The following RCVRN variants were observed in gnomAD, a reference collection of about 807,000 sequenced individuals.
RCVRN encodes cancer associated retinopathy antigen.
In RCVRN, 23 loss-of-function variants were observed where a neutral mutation model predicts 20.4. The observed-to-expected ratio is 1.13, with a 90% CI of 0.81 to 1.60. The LOEUF (loss-of-function observed/expected upper bound fraction) is 1.60. Ranked by LOEUF, RCVRN falls within the 40% of genes most tolerant of loss-of-function variation. The probability of loss-of-function intolerance (pLI) is 0.00; values close to 1 mark genes in which losing one functional copy is unlikely to be tolerated. For missense variants in RCVRN, 254 were observed against 254.2 expected (o/e 1.00, Z 0.00); for synonymous variants, 105 against 105.9 (o/e 0.99, Z 0.05).
At position 9,901,018 on chromosome 17, in the gene RCVRN, A is replaced by T; in HGVS notation, c.464T>A (p.Ile155Asn). The T allele has an allele frequency of 1.2e-6, 2 of 1,608,714 alleles. No individual in the cohort carries two copies. The highest frequency in any genetic ancestry group is 1.7e-6 in the Non-Finnish European group (2 of 1,175,732). ...ENTPEKRAEKIWKYFGKNDDD... is the reference protein window; with the variant it reads ...ENTPEKRAEKNWKYFGKNDDD... ...ATCATTCTTTCCAAAGTACTTCCAGATCTTCTCGGCTCGCTTTTCCGGCGT... is the reference window on the plus strand; with the variant it reads ...ATCATTCTTTCCAAAGTACTTCCAGTTCTTCTCGGCTCGCTTTTCCGGCGT... Residue 155 changes from isoleucine (I) to asparagine (N), a missense_variant, in exon 2 of 3, where the codon ATC (isoleucine) becomes AAC (asparagine). Ile to Asn is a moderately radical substitution (Grantham distance 149). Transcript: ENST00000226193.
At chr17:9,902,935 G>A (rs1474081677) in intron 1 of RCVRN, among the ~76,000 whole-genome samples, 1 of 152,136 alleles carries the variant, frequency 6.6e-6, no homozygotes, top group Non-Finnish European at 1.5e-5. Context: ...GTTGCAGTGA[G>A]CTGAGATCAC....
Position 9,905,115 on chromosome 17 carries a change from C to T in RCVRN, c.66G>A (p.Lys22=). ...EILEELQLNT[K]FSEEELCSWY... is the part of the protein sequence containing the mutation. Reference sequence around the variant, plus strand: ...AGGAGCACAGCTCCTCCTCCGAGAACTTGGTGTTCAGCTGCAGCTCCTCCA... The same window carrying T: ...AGGAGCACAGCTCCTCCTCCGAGAATTTGGTGTTCAGCTGCAGCTCCTCCA... Residue 22 remains lysine (K), a synonymous_variant, in exon 1 of 3, where the codon AAG becomes AAA. Coordinates refer to ENST00000226193, the MANE Select transcript of RCVRN (RefSeq NM_002903.3). The T allele has an allele frequency of 6.2e-7, 1 of 1,610,742 alleles. No individual in the cohort carries two copies. Among genetic ancestry groups the T allele is most frequent in the Non-Finnish European group, 8.5e-7 (1 of 1,178,630 alleles).
chr17:9,902,970 CAA>C (rs2067348084), intron 1 of RCVRN, among the ~76,000 whole-genome samples: 1 of 148,622 alleles, frequency 6.7e-6, no homozygotes, highest in African/African-American at 2.5e-5. Context: ...GCCTGGGCGA[CAA>C]GAGCAAAACT....
chr17:9,898,200 T>C lies in RCVRN; in HGVS notation c.498A>G (p.Lys166=). 6.2e-7 allele frequency: 1 copy of C among 1,603,624 alleles called. No homozygotes were observed. The highest frequency in any genetic ancestry group is 8.5e-7 in the Non-Finnish European group (1 of 1,170,474). ...WKYFGKNDDD[K]LTEKEFIEGT... The stretch of plus-strand genomic sequence containing the variant: ...CCTCAATGAATTCTTTCTCTGTAAG[T>C]TTATCTGTGCATTGGGAAAAAATAT... Residue 166 remains lysine (K), a synonymous_variant, in exon 3 of 3, where the codon AAA becomes AAG. Coordinates refer to ENST00000226193, the MANE Select transcript of RCVRN (RefSeq NM_002903.3).
In RCVRN at chr17:9,897,325, C is replaced by T. The variant is rs1467210960; in HGVS notation, c.*770G>A. 1 of 152,030 alleles carries T rather than the reference C, an allele frequency of 6.6e-6. No homozygotes were observed. The highest frequency in any genetic ancestry group is 1.5e-5 in the Non-Finnish European group (1 of 68,058). 9.4% of individuals were successfully genotyped at this position (152,030 alleles called of 1,614,324 possible). ...TGGAACTCGAGATGGTCATTCATGC[C>T]TCAGCGGCTCTGTGTTGGCCGCCTT... On this transcript the variant is annotated 3_prime_UTR_variant, in exon 3 of 3. Transcript: ENST00000226193.
chr17:9,898,445 T>C (rs1567746743), intron 2 of RCVRN, among the ~76,000 whole-genome samples: 2 of 152,122 alleles, frequency 1.3e-5, no homozygotes, highest in African/African-American at 4.8e-5. Flanking sequence ...TGACTGGCAC[T>C]GGGGGGGCCC....
chr17:9,901,453 T>C lies in RCVRN; in HGVS notation c.382-353A>G, dbSNP rs765571489. On this transcript the variant is annotated intron_variant, in intron 1 of 2. Transcript: ENST00000226193. Reference sequence around the variant, plus strand: ...AAACATTCGCAAACCATTTGCGTTCTGCCTCCCCGGAGACACCTGTGAGCA... The same window carrying C: ...AAACATTCGCAAACCATTTGCGTTCCGCCTCCCCGGAGACACCTGTGAGCA... Among the ~76,000 whole-genome samples, 45 of 152,096 alleles carry C rather than the reference T, an allele frequency of 3.0e-4. 9 individuals carry two copies. The highest frequency in any genetic ancestry group is 6.0e-4 in the Non-Finnish European group (41 of 67,956).
Position 9,904,705 on chromosome 17 carries a change from A to G in RCVRN, c.381+95T>C. 7.0e-7 allele frequency: 1 copy of G among 1,422,122 alleles called. No homozygotes were observed. Among genetic ancestry groups the G allele is most frequent in the Non-Finnish European group, 9.6e-7 (1 of 1,036,418 alleles). The allele number at this position is 1,422,122 out of a possible 1,614,324, so 88.1% of individuals were successfully genotyped here. On this transcript the variant is annotated intron_variant, in intron 1 of 2. Coordinates refer to ENST00000226193, the MANE Select transcript of RCVRN (RefSeq NM_002903.3). The surrounding 1 kb of genome is among the most constrained non-coding windows in gnomAD (Gnocchi z 5.8). ...GTGGCCCGCATCCCCCGCTCCACCC[A>G]CAGATCCACTCCCTCTGCAGCAGCT...
intron 2 of RCVRN, 148 bp downstream of exon 2, chr17:9,900,841 C>A (rs1228671945): frequency 7.1e-6 from 4 of 567,344 alleles, no homozygotes; most frequent in Non-Finnish European, 1.3e-5. Flanking sequence ...CCTGTCCAAC[C>A]CTTCAAACAG....
At position 9,899,868 on chromosome 17, in the gene RCVRN, C is replaced by G. The variant is rs1009076571; in HGVS notation, c.493+1121G>C. ...CAGATTAGGAGGAGCAGGGTCATCT[C>G]TCTCTGCCCTTATTTAGCATCCTGC... is the stretch of plus-strand genomic sequence containing the variant. On this transcript the variant is annotated intron_variant, in intron 2 of 2. Transcript: ENST00000226193. This position sits in a 1 kb window ranked among gnomAD's most constrained non-coding sequence, Gnocchi z 4.6. Among the ~76,000 whole-genome samples the G allele has an allele frequency of 6.6e-6, 1 of 152,210 alleles. No individual in the cohort carries two copies. The highest frequency in any genetic ancestry group is 2.4e-5 in the African/African-American group (1 of 41,452).
At chr17:9,901,198 A>G in intron 1 of RCVRN, 98 bp from the exon 2 acceptor site, 1 of 558,962 alleles carries the variant, frequency 1.8e-6, no homozygotes, top group Admixed American at 3.2e-5. Flanking sequence ...AAATCTACTC[A>G]AAATGGATTA....
At chr17:9,903,414 C>T (rs1220235855) in intron 1 of RCVRN, among the ~76,000 whole-genome samples, 1 of 152,180 alleles carries the variant, frequency 6.6e-6, no homozygotes, top group Non-Finnish European at 1.5e-5. Flanking sequence ...CTGTCAGGAG[C>T]CGGGGAGCCA....
chr17:9,897,956 A>C lies in RCVRN; in HGVS notation c.*139T>G. On this transcript the variant is annotated 3_prime_UTR_variant, in exon 3 of 3. Transcript: ENST00000226193. ...GGAGCTGTGCTGTGGGCTTGTGTGC[A>C]GGCCTTTCTCTTGGCCCTGGGGTGG... 1 of 668,592 alleles carries C rather than the reference A, an allele frequency of 1.5e-6. No homozygotes were observed. Among genetic ancestry groups the C allele is most frequent in the South Asian group, 1.7e-5 (1 of 57,582 alleles). The allele number at this position is 668,592 out of a possible 1,614,324, so 41.4% of individuals were successfully genotyped here.
chr17:9,903,649 G>T (rs765018416), intron 1 of RCVRN, among the ~76,000 whole-genome samples: 3 of 152,202 alleles, frequency 2.0e-5, no homozygotes, highest in Non-Finnish European at 2.9e-5. Context: ...ACAAAGGATG[G>T]AGAGAAAGAA....
intron 2 of RCVRN, among the ~76,000 whole-genome samples, chr17:9,900,714 C>T (rs999275436): frequency 3.9e-5 from 6 of 152,092 alleles, no homozygotes; most frequent in African/African-American, 1.4e-4. Flanking sequence ...CATAGAAATA[C>T]AGATCCCACT....
intron 1 of RCVRN, among the ~76,000 whole-genome samples, chr17:9,901,463 G>T (rs548581528): frequency 5.5e-4 from 61 of 111,180 alleles, no homozygotes; most frequent in African/African-American, 1.4e-3. Flanking sequence ...TGCCTCCCCG[G>T]AGACACCTGT....
In RCVRN at chr17:9,904,241, C is replaced by G. The variant is rs2152055073; in HGVS notation, c.381+559G>C. Among the ~76,000 whole-genome samples, 1 of 151,862 alleles carries G rather than the reference C, an allele frequency of 6.6e-6. No homozygotes were observed. Among genetic ancestry groups the G allele is most frequent in the East Asian group, 1.9e-4 (1 of 5,166 alleles). On this transcript the variant is annotated intron_variant, in intron 1 of 2. Coordinates refer to ENST00000226193, the MANE Select transcript of RCVRN (RefSeq NM_002903.3). This position sits in a 1 kb window ranked among gnomAD's most constrained non-coding sequence, Gnocchi z 5.8. ...TGGGCTACAGAGTGAGACTCCATCT[C>G]AAAAAAATAAAAAATAAAAAACCAA...
chr17:9,904,685 C>T lies in RCVRN; in HGVS notation c.381+115G>A. 2 of 1,224,668 alleles carry T rather than the reference C, an allele frequency of 1.6e-6. No homozygotes were observed. Among genetic ancestry groups the T allele is most frequent in the Non-Finnish European group, 2.3e-6 (2 of 867,266 alleles). 75.9% of individuals were successfully genotyped at this position (1,224,668 alleles called of 1,614,324 possible). Reference sequence around the variant, plus strand: ...GCACCACGCTCTCAGAGCCAGTGGCCCGCATCCCCCGCTCCACCCACAGAT... The same window carrying T: ...GCACCACGCTCTCAGAGCCAGTGGCTCGCATCCCCCGCTCCACCCACAGAT... On this transcript the variant is annotated intron_variant, in intron 1 of 2. Coordinates refer to ENST00000226193, the MANE Select transcript of RCVRN (RefSeq NM_002903.3). This position sits in a 1 kb window ranked among gnomAD's most constrained non-coding sequence, Gnocchi z 5.8.
rs1420489243 is a variant in RCVRN, at chr17:9,905,247, C to T, written c.-67G>A. ...GGTGGGACGTGCGTGGTCCCCTGGCCGCAGGCTGGGCTCAAGGCTGGTGTG... is the reference window on the plus strand; with the variant it reads ...GGTGGGACGTGCGTGGTCCCCTGGCTGCAGGCTGGGCTCAAGGCTGGTGTG... On this transcript the variant is annotated 5_prime_UTR_variant, in exon 1 of 3. Transcript: ENST00000226193. 4.7e-6 allele frequency: 7 copies of T among 1,490,496 alleles called. No homozygotes were observed. Among genetic ancestry groups the T allele is most frequent in the South Asian group, 4.0e-5 (3 of 75,226 alleles). The allele number at this position is 1,490,496 out of a possible 1,614,324, so 92.3% of individuals were successfully genotyped here.
Sources: allele counts gnomAD v4.1 joint callset (sites outside exome capture counted in the v4.1 genomes callset), GRCh38; gene constraint gnomAD v4.1.1; non-coding constraint Gnocchi (gnomAD v3.1); transcripts MANE v1.5; gene names NCBI Gene and HGNC (gene_info 2026-07-23, HGNC 2026-07-21).